Variants in UMODL1 observed in about 807,000 individuals in gnomAD.
The protein encoded by UMODL1 is uromodulin-like 1.
UMODL1 carries 128 observed loss-of-function variants against 136.3 expected under a neutral mutation model. The ratio of observed to expected loss-of-function variants is 0.94; its 90% CI spans 0.81 to 1.09. The LOEUF (loss-of-function observed/expected upper bound fraction) is 1.09, where lower values mean the gene tolerates loss of function less well. UMODL1 is among the 50% of genes least tolerant of loss of function. UMODL1 has a pLI of 0.00. For synonymous variants in UMODL1, 721 were observed against 720.0 expected, an observed-to-expected ratio of 1.00 and a Z score of -0.02; for missense variants, 1,766 against 1,725.6, an observed-to-expected ratio of 1.02 and a Z score of -0.41.
rs201669074 is a variant in UMODL1 at position 42,119,282 on chromosome 21, G to A, written c.2647G>A (p.Val883Met). The change falls in exon 15 of 23, where the codon GTG (valine) becomes ATG (methionine). Residue 883 changes from valine to methionine, a missense_variant. Transcript: ENST00000408910. Reference sequence around the variant, plus strand: ...TGCATTTCTCACCGCCTTCCAGACCGTGCCTCTGCTGGAGGTGATCAGAGG... The same window carrying A: ...TGCATTTCTCACCGCCTTCCAGACCATGCCTCTGCTGGAGGTGATCAGAGG... ...SAAFLTAFQTVPLLEVIRGDT... is the reference protein window; with the variant it reads ...SAAFLTAFQTMPLLEVIRGDT... 39 of 1,614,182 alleles carry A rather than the reference G, an allele frequency of 2.4e-5. No homozygotes were observed. The South Asian group carries it at 2.7e-4, about 11-fold the overall frequency.
At chr21:42,103,657 C>G in intron 8 of UMODL1, 1 of 691,634 alleles carries the variant, frequency 1.4e-6, no homozygotes, top group East Asian at 2.9e-5. Context: ...CCAGCACACA[C>G]CAGGCCAGGC....
chr21:42,079,641 G>A (rs1051972154), intron 2 of UMODL1, among the ~76,000 whole-genome samples: 1 of 152,218 alleles, frequency 6.6e-6, no homozygotes, highest in Non-Finnish European at 1.5e-5. Context: ...CACTGCCTGA[G>A]TGCATTCTTT....
At chr21:42,106,935 T>A (rs752351106) in intron 9 of UMODL1, among the ~76,000 whole-genome samples, 3 of 152,208 alleles carry the variant, frequency 2.0e-5, no homozygotes, top group Non-Finnish European at 4.4e-5. Flanking sequence ...CCAGTGCCTG[T>A]GCATGGCGAC....
At chr21:42,090,148 T>C in intron 5 of UMODL1, 150 bp from the exon 6 acceptor site, 1 of 983,380 alleles carries the variant, frequency 1.0e-6, no homozygotes, top group Admixed American at 2.7e-5. Flanking sequence ...ACTTCCATAG[T>C]CTCCCTTGGG....
At chr21:42,110,625 G>A (rs901261868) in intron 10 of UMODL1, among the ~76,000 whole-genome samples, 1 of 152,142 alleles carries the variant, frequency 6.6e-6, no homozygotes, top group Non-Finnish European at 1.5e-5. Context: ...TAGCCCCCCG[G>A]GTGGATCCCT....
intron 2 of UMODL1, among the ~76,000 whole-genome samples, chr21:42,079,993 C>T (rs1318601524): frequency 2.0e-5 from 3 of 152,198 alleles, no homozygotes; most frequent in Admixed American, 6.5e-5. Flanking sequence ...GCACAGCCCA[C>T]GAGGCTTCTG....
At chr21:42,067,821 A>G (rs1205900149), upstream of UMODL1, among the ~76,000 whole-genome samples, 3 of 152,072 alleles carry the variant, frequency 2.0e-5, no homozygotes, top group African/African-American at 7.2e-5. Context: ...CCCAGGCCGC[A>G]CCCTCGCTTT....
intron 9 of UMODL1, among the ~76,000 whole-genome samples, chr21:42,105,044 G>GGTTCCTGTCCCAAC (rs1487086757): frequency 6.6e-6 from 1 of 152,180 alleles, no homozygotes; most frequent in Admixed American, 6.5e-5. Context: ...CCACGTGCTG[G>GGTTCCTGTCCCAAC]CTTCCTGTCC....
chr21:42,075,248 G>GT lies in UMODL1; in HGVS notation c.77-757_77-756insT, dbSNP rs1053723586. 3.9e-5 allele frequency among the ~76,000 whole-genome samples: 6 copies of GT among 151,974 alleles called. No homozygotes were observed. The South Asian group carries it at 8.3e-4, about 21-fold the overall frequency. On this transcript the variant is annotated intron_variant, in intron 1 of 22. Transcript: ENST00000408910. ...AAATATTTTTGCTGGAGATGGGGGGGGGGTTTCACCATGTTGGCCGGGCTG... is the reference window on the plus strand; with the variant it reads ...AAATATTTTTGCTGGAGATGGGGGGGTGGGTTTCACCATGTTGGCCGGGCTG...
intron 1 of UMODL1, 97 bp downstream of exon 1, chr21:42,071,489 A>G (rs1019787268): frequency 7.9e-7 from 1 of 1,268,484 alleles, no homozygotes; most frequent in Non-Finnish European, 1.0e-6. Context: ...CTGGGCAGGC[A>G]AGGACGCCTC....
intron 6 of UMODL1, 50 bp downstream of exon 6, chr21:42,090,488 TGCCC>T: frequency 6.2e-7 from 1 of 1,602,878 alleles, no homozygotes. Flanking sequence ...AATTCCTGTT[TGCCC>T]CGGGAATACT....
At chr21:42,121,946 A>G (rs764829236) in intron 16 of UMODL1, among the ~76,000 whole-genome samples, 1 of 152,118 alleles carries the variant, frequency 6.6e-6, no homozygotes, top group African/African-American at 2.4e-5. Flanking sequence ...AGAGCTGGTG[A>G]TGGGCGTGAT....
At chr21:42,090,803 T>TG (rs1326419520) in intron 6 of UMODL1, among the ~76,000 whole-genome samples, 2 of 152,254 alleles carry the variant, frequency 1.3e-5, no homozygotes, top group South Asian at 4.1e-4. Flanking sequence ...AAATAGATGA[T>TG]TCTGATGATT....
chr21:42,111,485 C>T (rs368915737), intron 11 of UMODL1, 21 bp from the exon 12 acceptor site: 9 of 1,613,764 alleles, frequency 5.6e-6, no homozygotes, highest in Middle Eastern at 1.6e-4. Context: ...CACAGATGGC[C>T]CACTGGCCCT....
chr21:42,142,933 TC>T lies in UMODL1; in HGVS notation c.*860del, dbSNP rs2067302277. ...TTAGTCTAGAATTTTCTCCATTACA[TC>T]ATCCTAAGAGATAATGCTCTGTACT... On this transcript the variant is annotated 3_prime_UTR_variant, in exon 23 of 23. Coordinates refer to ENST00000408910, the MANE Select transcript of UMODL1 (RefSeq NM_001004416.3). 1 of 152,308 alleles carries T rather than the reference TC, an allele frequency of 6.6e-6. No homozygotes were observed. The highest frequency in any genetic ancestry group is 2.4e-5 in the African/African-American group (1 of 41,560). 9.4% of individuals were successfully genotyped at this position (152,308 alleles called of 1,614,324 possible). A position where few individuals can be genotyped will look rare whatever the true frequency, so the allele number is the denominator to read the frequency against.
intron 22 of UMODL1, 127 bp from the exon 23 acceptor site, chr21:42,141,969 C>T (rs1375857020): frequency 6.6e-6 from 1 of 152,278 alleles, no homozygotes; most frequent in Non-Finnish European, 1.5e-5. Flanking sequence ...CTGTCCCTCT[C>T]CAGTAAACAT....
intron 21 of UMODL1, among the ~76,000 whole-genome samples, chr21:42,134,789 T>TC (rs1481021533): frequency 3.3e-5 from 5 of 151,446 alleles, no homozygotes; most frequent in Admixed American, 6.6e-5. Flanking sequence ...TATTTTTTTT[T>TC]TTTTTATATT....
rs545000956 is a variant in UMODL1, at chr21:42,080,424, C to T, written c.320-3660C>T. Among the ~76,000 whole-genome samples, 42 of 152,256 alleles carry T rather than the reference C, an allele frequency of 2.8e-4. 1 individual carries two copies. The South Asian group carries it at 7.9e-3, about 29-fold the overall frequency. On this transcript the variant is annotated intron_variant, in intron 2 of 22. Coordinates refer to ENST00000408910, the MANE Select transcript of UMODL1 (RefSeq NM_001004416.3). ...CTCAGCTACCCGGGGGTCTGCGCCTCGGAGTCCTATCCCCCAGACAGTGGT... is the reference window on the plus strand; with the variant it reads ...CTCAGCTACCCGGGGGTCTGCGCCTTGGAGTCCTATCCCCCAGACAGTGGT...
At chr21:42,105,656 G>T (rs1177569909) in intron 9 of UMODL1, among the ~76,000 whole-genome samples, 4 of 152,308 alleles carry the variant, frequency 2.6e-5, no homozygotes, top group Admixed American at 6.5e-5. Flanking sequence ...CAGAGGCCAA[G>T]ATTGGAGTGA....
Sources: allele counts gnomAD v4.1 joint callset (sites outside exome capture counted in the v4.1 genomes callset), GRCh38; gene constraint gnomAD v4.1.1; transcripts MANE v1.5; gene names NCBI Gene and HGNC (gene_info 2026-07-23, HGNC 2026-07-21).